The following DCUN1D4 variants were observed in gnomAD, a reference collection of about 807,000 sequenced individuals.
The protein encoded by DCUN1D4 is defective in cullin neddylation 1 domain containing 4, also known as DCN1-like protein 4.
A neutral mutation model predicts 47.9 loss-of-function variants in DCUN1D4; 22 were observed. The ratio of observed to expected loss-of-function variants is 0.46; its 90% CI spans 0.33 to 0.66. The LOEUF (loss-of-function observed/expected upper bound fraction) is 0.66. Among genes scored for constraint, DCUN1D4 ranks in the 30% least tolerant of loss-of-function variants. The pLI is 0.02. For missense variants in DCUN1D4, 301 were observed against 340.8 expected, an observed-to-expected ratio of 0.88 and a Z score of 0.92; for synonymous variants, 121 against 112.2, an observed-to-expected ratio of 1.08 and a Z score of -0.50.
At chr4:51,837,600 A>G in the DCUN1D4 span, among the ~76,000 whole-genome samples, 3 of 124,830 alleles carry the variant, frequency 2.4e-5, no homozygotes, top group African/African-American at 9.0e-5. Context: ...GCTTGCAGTG[A>G]GCGGAGATCG....
At chr4:51,835,266 G>A in the DCUN1D4 span, among the ~76,000 whole-genome samples, 1 of 152,164 alleles carries the variant, frequency 6.6e-6, no homozygotes, top group Non-Finnish European at 1.5e-5. Flanking sequence ...GTGTGTCTTT[G>A]AGAAAGTTAC....
intron 8 of DCUN1D4, among the ~76,000 whole-genome samples, chr4:51,907,029 T>A (rs2110126154): frequency 6.6e-6 from 1 of 152,354 alleles, no homozygotes; most frequent in South Asian, 2.1e-4. Context: ...AGTTTCTAGC[T>A]TGAAGTAAGT....
At chr4:51,868,722 CCTTT>C (rs961678731) in intron 3 of DCUN1D4, among the ~76,000 whole-genome samples, 1 of 152,130 alleles carries the variant, frequency 6.6e-6, no homozygotes, top group Non-Finnish European at 1.5e-5. Flanking sequence ...TCCTCTCAGG[CCTTT>C]CTTTTGTGTG....
In DCUN1D4 at chr4:51,901,039, C is replaced by A. The variant is rs955189960; in HGVS notation, c.615+1661C>A. On this transcript the variant is annotated intron_variant, in intron 8 of 10. Coordinates refer to ENST00000334635, the MANE Select transcript of DCUN1D4 (RefSeq NM_001040402.3). The stretch of plus-strand genomic sequence containing the variant: ...CTTGGTGCCTCCACTGCAGCCTCAC[C>A]GGTGGAGGCCTTGCTTCTCCTTACC... Among the ~76,000 whole-genome samples, 11 of 152,262 alleles carry A rather than the reference C, an allele frequency of 7.2e-5. No individual in the cohort carries two copies. In the East Asian group the frequency reaches 1.9e-3, roughly 27 times the overall value.
intron 1 of DCUN1D4, among the ~76,000 whole-genome samples, chr4:51,858,100 G>C (rs991011446): frequency 3.3e-5 from 5 of 152,160 alleles, no homozygotes; most frequent in African/African-American, 9.7e-5. Context: ...GGTCTGGCAA[G>C]GTTATGTAAG....
intron 3 of DCUN1D4, among the ~76,000 whole-genome samples, chr4:51,871,148 G>C (rs1410023660): frequency 7.2e-6 from 1 of 138,806 alleles, no homozygotes; most frequent in Non-Finnish European, 1.5e-5. Flanking sequence ...AAAAAAAAAA[G>C]TCATGCCTCT....
In DCUN1D4 at chr4:51,916,218, G is replaced by C. The variant is rs936210724; in HGVS notation, c.*2634G>C. The C allele has an allele frequency of 1.3e-5, 2 of 152,034 alleles. No individual in the cohort carries two copies. The highest frequency in any genetic ancestry group is 4.8e-5 in the African/African-American group (2 of 41,402). 9.4% of individuals were successfully genotyped at this position (152,034 alleles called of 1,614,324 possible). A position where few individuals can be genotyped will look rare whatever the true frequency, so the allele number is the denominator to read the frequency against. On this transcript the variant is annotated 3_prime_UTR_variant, in exon 11 of 11. Transcript: ENST00000334635. Reference sequence around the variant, plus strand: ...CTGTTGTCATGGAATACAACCTTTAGATGTTTACTGCTGAAGTAGGTCAGA... The same window carrying C: ...CTGTTGTCATGGAATACAACCTTTACATGTTTACTGCTGAAGTAGGTCAGA...
Position 51,874,360 on chromosome 4 carries a change from T to G in DCUN1D4, c.226T>G (p.Ser76Ala), listed in dbSNP as rs756957469. 2 of 1,613,638 alleles carry G rather than the reference T, an allele frequency of 1.2e-6. No individual in the cohort carries two copies. The highest frequency in any genetic ancestry group is 1.7e-6 in the Non-Finnish European group (2 of 1,179,746). The change falls in exon 4 of 11, where the codon TCT becomes GCT. Residue 76 changes from serine (S) to alanine (A), a missense_variant. Coordinates refer to ENST00000334635, the MANE Select transcript of DCUN1D4 (RefSeq NM_001040402.3). The stretch of plus-strand genomic sequence containing the variant: ...AAGACCTGCCTCTGGAGATGATTTA[T>G]CTGCCAAGAAAAGTAGACATGATAG... ...KRRPASGDDL[S>A]AKKSRHDSMY...
At chr4:51,837,270 G>C in the DCUN1D4 span, among the ~76,000 whole-genome samples, 11 of 152,154 alleles carry the variant, frequency 7.2e-5, no homozygotes, top group Admixed American at 5.2e-4. Context: ...TAAAATAAAA[G>C]GTCCTGAGTA....
chr4:51,911,294 G>A (rs1439120561), intron 9 of DCUN1D4, 120 bp downstream of exon 9: 10 of 867,878 alleles, frequency 1.2e-5, no homozygotes, highest in East Asian at 7.8e-5. Flanking sequence ...TAGGAATTAC[G>A]GTGACATAAT....
At chr4:51,859,443 T>C (rs1030830010) in intron 1 of DCUN1D4, among the ~76,000 whole-genome samples, 4 of 152,050 alleles carry the variant, frequency 2.6e-5, no homozygotes, top group Non-Finnish European at 5.9e-5. Context: ...CTATTAGGAC[T>C]GTTAATTTTT....
chr4:51,872,444 C>G (rs1166849621), intron 3 of DCUN1D4, among the ~76,000 whole-genome samples: 1 of 152,182 alleles, frequency 6.6e-6, no homozygotes, highest in Admixed American at 6.5e-5. Flanking sequence ...GGCCTGCACT[C>G]CCACCAATCC....
At chr4:51,886,927 G>A (rs1204534743) in intron 6 of DCUN1D4, 1 of 421,658 alleles carries the variant, frequency 2.4e-6, no homozygotes, top group South Asian at 2.1e-5. Context: ...CTACAATGAC[G>A]GATCAACTGG....
chr4:51,846,102 T>C (rs1325330923), intron 1 of DCUN1D4, among the ~76,000 whole-genome samples: 2 of 152,182 alleles, frequency 1.3e-5, no homozygotes, highest in African/African-American at 4.8e-5. Flanking sequence ...TTTCTTTTGT[T>C]CTATTATATC....
chr4:51,874,415 A>G, intron 4 of DCUN1D4, 30 bp downstream of exon 4: 1 of 1,518,680 alleles, frequency 6.6e-7, no homozygotes. Flanking sequence ...GATCAGAATC[A>G]GTGATACATA....
At chr4:51,851,853 C>G (rs777552873) in intron 1 of DCUN1D4, among the ~76,000 whole-genome samples, 81 of 152,236 alleles carry the variant, frequency 5.3e-4, no homozygotes, top group Middle Eastern at 3.4e-3. Context: ...AGGTTAACTC[C>G]CCTTCTCAAG....
the DCUN1D4 span, among the ~76,000 whole-genome samples, chr4:51,837,977 A>G: frequency 6.6e-6 from 1 of 152,272 alleles, no homozygotes; most frequent in South Asian, 2.1e-4. Flanking sequence ...CAGGAGTTAG[A>G]GACCAGCCTG....
chr4:51,852,357 C>CAAAACTAG (rs1200572154), intron 1 of DCUN1D4, among the ~76,000 whole-genome samples: 1 of 152,174 alleles, frequency 6.6e-6, no homozygotes, highest in Non-Finnish European at 1.5e-5. Context: ...GACATTGCAG[C>CAAAACTAG]AAAACTAGAA....
chr4:51,846,327 A>G (rs1227229466), intron 1 of DCUN1D4, among the ~76,000 whole-genome samples: 12 of 152,174 alleles, frequency 7.9e-5, no homozygotes, highest in Non-Finnish European at 1.3e-4. Context: ...ATTAAGAAGG[A>G]TTTTTAGGTA....
Sources: allele counts gnomAD v4.1 joint callset (sites outside exome capture counted in the v4.1 genomes callset), GRCh38; gene constraint gnomAD v4.1.1; transcripts MANE v1.5; gene names NCBI Gene and HGNC (gene_info 2026-07-23, HGNC 2026-07-21).